The following NBAS variants were observed in gnomAD, a reference collection of about 807,000 sequenced individuals.
NBAS encodes the protein NBAS subunit of NRZ tethering complex.
In NBAS, 219 loss-of-function variants were observed where a neutral mutation model predicts 302.5. The observed-to-expected ratio is 0.72, with a 90% confidence interval of 0.65 to 0.81. NBAS has a LOEUF of 0.81. NBAS is among the 30% of genes least tolerant of loss of function. The pLI is 0.00. For synonymous variants in NBAS, 1,118 were observed against 1,021.6 expected (o/e 1.09, Z -1.80); for missense variants, 2,932 against 2,841.6 (o/e 1.03, Z -0.72).
chr2:15,026,175 G>GCATCTATTGA, the NBAS span, among the ~76,000 whole-genome samples: 11 of 80,404 alleles, frequency 1.4e-4, 1 homozygote, highest in South Asian at 4.0e-4. Flanking sequence ...AGTCTTTTCT[G>GCATCTATTGA]GCCGGGCACG....
chr2:15,083,208 A>G, the NBAS span, among the ~76,000 whole-genome samples: 3 of 152,162 alleles, frequency 2.0e-5, no homozygotes, highest in Non-Finnish European at 4.4e-5. Flanking sequence ...CTTTCCTTCA[A>G]TACCCCATTA....
At chr2:15,088,772 C>T in the NBAS span, among the ~76,000 whole-genome samples, 1 of 152,346 alleles carries the variant, frequency 6.6e-6, no homozygotes, top group Middle Eastern at 3.4e-3. Context: ...ATGAGCAGGA[C>T]CATGCAGTAA....
intron 50 of NBAS, among the ~76,000 whole-genome samples, chr2:15,184,096 C>T (rs190411989): frequency 7.2e-5 from 11 of 152,260 alleles, no homozygotes; most frequent in Admixed American, 4.6e-4. Context: ...AAAAAGAACA[C>T]GCTATTCTTC....
the NBAS span, among the ~76,000 whole-genome samples, chr2:14,821,441 C>T: frequency 8.5e-4 from 129 of 152,304 alleles, no homozygotes; most frequent in Non-Finnish European, 1.4e-3. Flanking sequence ...ACCCTGCCCG[C>T]TCTGGATTTG....
the NBAS span, among the ~76,000 whole-genome samples, chr2:14,817,843 G>T: frequency 6.6e-6 from 1 of 152,008 alleles, no homozygotes. Flanking sequence ...TTCCCAACTT[G>T]GAATCTCCAT....
chr2:15,342,678 T>C (rs1259993070), intron 35 of NBAS, among the ~76,000 whole-genome samples: 1 of 152,014 alleles, frequency 6.6e-6, no homozygotes, highest in East Asian at 1.9e-4. Context: ...CTTTCACATA[T>C]ATTAATGTAT....
At chr2:14,999,822 C>G in the NBAS span, among the ~76,000 whole-genome samples, 58 of 152,284 alleles carry the variant, frequency 3.8e-4, no homozygotes, top group African/African-American at 1.3e-3. Flanking sequence ...AAATTTATAT[C>G]TCATTTGCAA....
the NBAS span, among the ~76,000 whole-genome samples, chr2:15,115,259 C>A: frequency 0.026 from 3,987 of 152,250 alleles, 137 homozygotes; most frequent in East Asian, 0.089. Context: ...TGCATGCCAT[C>A]ACAAAATTGT....
chr2:14,897,125 A>G, the NBAS span, among the ~76,000 whole-genome samples: 1 of 151,876 alleles, frequency 6.6e-6, no homozygotes, highest in African/African-American at 2.4e-5. Context: ...AAGAAGGAAG[A>G]AATTTGCCCA....
At chr2:15,170,892 C>G (rs1192331090) in intron 51 of NBAS, among the ~76,000 whole-genome samples, 1 of 152,208 alleles carries the variant, frequency 6.6e-6, no homozygotes, top group Non-Finnish European at 1.5e-5. Context: ...CAAGGCCAGA[C>G]AGAATCCTTC....
At chr2:15,136,395 T>C in the NBAS span, among the ~76,000 whole-genome samples, 1 of 152,210 alleles carries the variant, frequency 6.6e-6, no homozygotes, top group South Asian at 2.1e-4. Context: ...ACGGTCTCTG[T>C]TGCAACTCTT....
chr2:15,449,701 G>C lies in NBAS; in HGVS notation c.2339+11500C>G, dbSNP rs552718011. ...ACCCCTACCACCAGATCCTAACCCTGTTCCCAGCCAATAGAGGCTGTTAGG... is the reference window on the plus strand; with the variant it reads ...ACCCCTACCACCAGATCCTAACCCTCTTCCCAGCCAATAGAGGCTGTTAGG... On this transcript the variant is annotated intron_variant, in intron 21 of 51. Coordinates refer to ENST00000281513, the MANE Select transcript of NBAS (RefSeq NM_015909.4). 6.6e-5 allele frequency among the ~76,000 whole-genome samples: 10 copies of C among 152,166 alleles called. No individual in the cohort carries two copies. In the South Asian group the frequency reaches 2.1e-3, roughly 32 times the overall value.
the NBAS span, among the ~76,000 whole-genome samples, chr2:14,900,765 C>T: frequency 6.6e-6 from 1 of 152,122 alleles, no homozygotes; most frequent in Non-Finnish European, 1.5e-5. Flanking sequence ...ATGATAAGTT[C>T]AAGAACAAAG....
At chr2:15,179,183 G>A in intron 50 of NBAS, 67 bp from the exon 51 acceptor site, 33 of 1,610,794 alleles carry the variant, frequency 2.0e-5, no homozygotes, top group Middle Eastern at 2.0e-4. Flanking sequence ...GGTTCTGGCT[G>A]GATCATTCCA....
the NBAS span, among the ~76,000 whole-genome samples, chr2:15,008,610 C>T: frequency 2.6e-5 from 4 of 152,132 alleles, no homozygotes; most frequent in African/African-American, 7.2e-5. Flanking sequence ...GGTATAGACA[C>T]CTCTGATCGG....
At chr2:15,312,574 G>C (rs1005876505) in intron 38 of NBAS, among the ~76,000 whole-genome samples, 1 of 152,122 alleles carries the variant, frequency 6.6e-6, no homozygotes, top group African/African-American at 2.4e-5. Flanking sequence ...ACCATGCCCA[G>C]TCTCAATTCT....
Position 15,190,596 on chromosome 2 carries a change from A to G in NBAS, c.6433-193T>C, listed in dbSNP as rs75023481. Among the ~76,000 whole-genome samples the G allele has an allele frequency of 0.046, 7,037 of 152,310 alleles. 224 individuals carry two copies. Among genetic ancestry groups the G allele is most frequent in the Non-Finnish European group, 0.067 (4,540 of 68,028 alleles). On this transcript the variant is annotated intron_variant, in intron 48 of 51. Coordinates refer to ENST00000281513, the MANE Select transcript of NBAS (RefSeq NM_015909.4). ...TCAGATTATGTTAAAATTGTTTAGA[A>G]CTACAATCAGAGGAAGGTTCTAATT...
At chr2:15,547,541 T>C (rs566498433) in intron 6 of NBAS, among the ~76,000 whole-genome samples, 1 of 152,340 alleles carries the variant, frequency 6.6e-6, no homozygotes, top group Non-Finnish European at 1.5e-5. Flanking sequence ...ATAATTTGTA[T>C]AAAATACAGA....
the NBAS span, among the ~76,000 whole-genome samples, chr2:14,796,612 A>G: frequency 6.6e-6 from 1 of 152,114 alleles, no homozygotes; most frequent in Non-Finnish European, 1.5e-5. Flanking sequence ...CAGGAGGCAG[A>G]CAAATGTCTG....
Sources: allele counts gnomAD v4.1 joint callset (sites outside exome capture counted in the v4.1 genomes callset), GRCh38; gene constraint gnomAD v4.1.1; transcripts MANE v1.5; gene names NCBI Gene and HGNC (gene_info 2026-07-23, HGNC 2026-07-21).